IL1RAPL2: variants seen among roughly 807,000 people sequenced by gnomAD.
IL1RAPL2 encodes the protein X-linked interleukin-1 receptor accessory protein-like 2.
Under a neutral mutation model 44.1 loss-of-function variants are expected in IL1RAPL2, and 3 were observed. That is an observed-to-expected ratio of 0.07 (90% CI 0.03 to 0.18). The LOEUF (loss-of-function observed/expected upper bound fraction) is 0.18. Ranked by LOEUF, IL1RAPL2 falls within the 10% of genes least tolerant of loss-of-function variation. The probability of loss-of-function intolerance (pLI) is 1.00; values close to 1 mark genes in which losing one functional copy is unlikely to be tolerated. For synonymous variants in IL1RAPL2, 181 were observed against 178.8 expected, an observed-to-expected ratio of 1.01 and a Z score of -0.10; for missense variants, 391 against 496.4, an observed-to-expected ratio of 0.79 and a Z score of 2.02.
At chrX:104,743,423 G>C (rs1158724734) in intron 2 of IL1RAPL2, among the ~76,000 whole-genome samples, 1 of 108,460 alleles carries the variant, frequency 9.2e-6, no homozygotes, top group African/African-American at 3.4e-5. Flanking sequence ...TTACCTCCCT[G>C]TGATTGAAAA....
At chrX:105,013,264 C>T (rs909781773) in intron 2 of IL1RAPL2, among the ~76,000 whole-genome samples, 2 of 110,642 alleles carry the variant, frequency 1.8e-5, no homozygotes, top group Admixed American at 9.7e-5. Context: ...TTATTGGAAA[C>T]CTTGAGTGAG....
intron 5 of IL1RAPL2, chrX:105,406,335 G>C: frequency 9.4e-7 from 1 of 1,062,530 alleles, no homozygotes; most frequent in South Asian, 1.9e-5. Flanking sequence ...AACTCCTTGC[G>C]TCATGGACAG....
intron 2 of IL1RAPL2, among the ~76,000 whole-genome samples, chrX:104,802,635 GT>G (rs1246290175): frequency 9.0e-6 from 1 of 111,518 alleles, no homozygotes; most frequent in Non-Finnish European, 1.9e-5. Flanking sequence ...ATTTTTCTAT[GT>G]TTGTTCATAG....
intron 5 of IL1RAPL2, among the ~76,000 whole-genome samples, chrX:105,448,118 A>G (rs993989304): frequency 6.5e-5 from 6 of 93,008 alleles, no homozygotes; most frequent in Admixed American, 1.1e-4. Context: ...TATATATTGA[A>G]GATCCATTAT....
At chrX:104,647,239 C>T in intron 1 of IL1RAPL2, 2 of 366,865 alleles carry the variant, frequency 5.5e-6, no homozygotes, top group Non-Finnish European at 1.0e-5. Flanking sequence ...GTGATGTTCT[C>T]AGAGCTGAGA....
chrX:105,144,096 T>TGG (rs760716108), intron 2 of IL1RAPL2, among the ~76,000 whole-genome samples: 5 of 32,503 alleles, frequency 1.5e-4, no homozygotes, highest in African/African-American at 7.1e-4. Context: ...AACAGATGGG[T>TGG]GTGTGTGTGT....
intron 2 of IL1RAPL2, among the ~76,000 whole-genome samples, chrX:104,660,660 A>G (rs892595032): frequency 1.0e-5 from 1 of 100,054 alleles, no homozygotes; most frequent in Non-Finnish European, 2.0e-5. Context: ...TAGCTGGGCT[A>G]TTACAGGTGG....
At chrX:104,669,114 A>T (rs1028910528) in intron 2 of IL1RAPL2, among the ~76,000 whole-genome samples, 2 of 111,703 alleles carry the variant, frequency 1.8e-5, no homozygotes, top group African/African-American at 6.5e-5. Context: ...TGCTTTTAAT[A>T]TCTTTGCTTG....
chrX:105,206,000 G>A (rs1291192534), intron 3 of IL1RAPL2, among the ~76,000 whole-genome samples: 3 of 110,481 alleles, frequency 2.7e-5, no homozygotes, highest in Non-Finnish European at 3.8e-5. Context: ...GATATATATT[G>A]AAGGATGAGC....
At chrX:105,669,783 C>T (rs1444874467) in intron 6 of IL1RAPL2, among the ~76,000 whole-genome samples, 5 of 110,000 alleles carry the variant, frequency 4.5e-5, no homozygotes, top group Admixed American at 2.9e-4. Context: ...CCACTATCCC[C>T]TATTTAACTT....
Position 105,403,757 on chromosome X carries a change from G to A in IL1RAPL2, c.698-80556G>A, listed in dbSNP as rs550854341. 2.8e-4 allele frequency among the ~76,000 whole-genome samples: 31 copies of A among 111,088 alleles called. No homozygotes were observed. In the Middle Eastern group the frequency reaches 0.014, roughly 50 times the overall value. ...AAGGCTCACATGTGATAAGGTTTGG[G>A]CTACTACCTTTCTCAGCCTGTGAAA... On this transcript the variant is annotated intron_variant, in intron 5 of 10. Coordinates refer to ENST00000372582, the MANE Select transcript of IL1RAPL2 (RefSeq NM_017416.2).
At chrX:105,421,194 A>G (rs1338340793) in intron 5 of IL1RAPL2, among the ~76,000 whole-genome samples, 1 of 111,561 alleles carries the variant, frequency 9.0e-6, no homozygotes, top group East Asian at 2.8e-4. Context: ...AAGCAAAGAC[A>G]GGACAACTCA....
chrX:105,144,755 C>T (rs2033164153), intron 2 of IL1RAPL2, among the ~76,000 whole-genome samples: 1 of 111,578 alleles, frequency 9.0e-6, no homozygotes. Flanking sequence ...CAATGCCTGC[C>T]AATTTTAGTA....
intron 5 of IL1RAPL2, among the ~76,000 whole-genome samples, chrX:105,364,771 ATTTC>A (rs1249606297): frequency 3.6e-5 from 4 of 111,619 alleles, no homozygotes; most frequent in African/African-American, 1.3e-4. Flanking sequence ...ACTTTACTGA[ATTTC>A]TTTATTGATT....
At chrX:105,518,771 G>T in intron 6 of IL1RAPL2, among the ~76,000 whole-genome samples, 1 of 111,358 alleles carries the variant, frequency 9.0e-6, no homozygotes, top group African/African-American at 3.3e-5. Flanking sequence ...TCAAGTACTT[G>T]GTTACTAGTA....
At chrX:104,814,415 C>T (rs768347103) in intron 2 of IL1RAPL2, among the ~76,000 whole-genome samples, 42 of 111,590 alleles carry the variant, frequency 3.8e-4, no homozygotes, top group Non-Finnish European at 7.4e-4. Flanking sequence ...ATTTTGTTTC[C>T]CTAACAGGAT....
At chrX:105,370,301 G>A (rs1293106289) in intron 5 of IL1RAPL2, among the ~76,000 whole-genome samples, 2 of 111,457 alleles carry the variant, frequency 1.8e-5, no homozygotes, top group Non-Finnish European at 3.8e-5. Context: ...TGGGGGTTTG[G>A]TGTACAGATT....
chrX:104,774,238 C>T (rs1006257233), intron 2 of IL1RAPL2, among the ~76,000 whole-genome samples: 5 of 111,553 alleles, frequency 4.5e-5, no homozygotes, highest in African/African-American at 6.5e-5. Context: ...GGAACATATC[C>T]AAGAGACATC....
chrX:105,193,222 TC>T (rs2033647270), intron 2 of IL1RAPL2, among the ~76,000 whole-genome samples: 1 of 111,770 alleles, frequency 8.9e-6, no homozygotes, highest in Admixed American at 9.5e-5. Flanking sequence ...AATTTTTTTT[TC>T]TATCAAGTAG....
Sources: gnomAD v4.1 joint callset for allele counts (sites outside exome capture counted in the v4.1 genomes callset) on GRCh38, gnomAD v4.1.1 for gene constraint, MANE v1.5 for transcripts, NCBI Gene and HGNC (gene_info 2026-07-23, HGNC 2026-07-21) for gene names.